The following PCDHA5 variants were observed in gnomAD, a reference collection of about 807,000 sequenced individuals.
PCDHA5 encodes the protein protocadherin alpha-5.
Under a neutral mutation model 61.6 loss-of-function variants are expected in PCDHA5, and 43 were observed. The observed-to-expected ratio is 0.70, with a 90% CI of 0.55 to 0.90. PCDHA5 has a LOEUF of 0.90. Among genes scored for constraint, PCDHA5 ranks in the 40% least tolerant of loss-of-function variants. The probability of loss-of-function intolerance (pLI) is 0.00; values close to 1 mark genes in which losing one functional copy is unlikely to be tolerated. For missense variants in PCDHA5, 1,298 were observed against 1,222.7 expected, an observed-to-expected ratio of 1.06 and a Z score of -0.92; for synonymous variants, 627 against 543.9, an observed-to-expected ratio of 1.15 and a Z score of -2.13.
At chr5:140,953,398 C>G (rs1247752047) in intron 1 of PCDHA5, among the ~76,000 whole-genome samples, 9 of 152,150 alleles carry the variant, frequency 5.9e-5, no homozygotes, top group Non-Finnish European at 7.3e-5. Flanking sequence ...GATTACAGTG[C>G]TGTTGCTCCT....
chr5:140,956,904 G>A lies in PCDHA5; in HGVS notation c.2353-22045G>A, dbSNP rs182022057. ...TATCAATGAATGAATATTCTTAAAT[G>A]TATAAACTTTAATCTTGCTGGATAT... On this transcript the variant is annotated intron_variant, in intron 1 of 3. Transcript: ENST00000529859. Among the ~76,000 whole-genome samples, 178 of 152,232 alleles carry A rather than the reference G, an allele frequency of 1.2e-3. 1 individual carries two copies. Among genetic ancestry groups the A allele is most frequent in the African/African-American group, 3.9e-3 (163 of 41,538 alleles).
In PCDHA5 at chr5:140,822,549, A is replaced by G. The variant is rs1554128705; in HGVS notation, c.774A>G (p.Thr258=). The change falls in exon 1 of 4, where the codon ACA becomes ACG. Residue 258 remains threonine, a synonymous_variant. Transcript: ENST00000529859. The part of the protein sequence containing the change: ...VRLLENAPSG[T]LVIKLNASDA... ...TGTTGGAAAATGCACCAAGTGGGAC[A>G]TTAGTTATTAAACTGAACGCCTCAG... The G allele has an allele frequency of 1.9e-6, 3 of 1,613,866 alleles. No individual in the cohort carries two copies. Among genetic ancestry groups the G allele is most frequent in the Non-Finnish European group, 2.5e-6 (3 of 1,179,926 alleles).
At chr5:140,850,951 T>C in intron 1 of PCDHA5, 1 of 1,500,264 alleles carries the variant, frequency 6.7e-7, no homozygotes. Flanking sequence ...TATTATCGAT[T>C]ACTCCCAGGG....
At chr5:140,898,782 G>A (rs1170822216) in intron 1 of PCDHA5, among the ~76,000 whole-genome samples, 5 of 152,306 alleles carry the variant, frequency 3.3e-5, no homozygotes, top group Middle Eastern at 3.4e-3. Context: ...ACCTTGGGCA[G>A]TATGGCCATT....
At chr5:140,836,779 AT>A (rs2150269832) in intron 1 of PCDHA5, 6 of 1,482,480 alleles carry the variant, frequency 4.0e-6, no homozygotes, top group Non-Finnish European at 5.5e-6. Context: ...TTTTAAAACA[AT>A]TAGTTCAATT....
At chr5:140,876,033 T>A in intron 1 of PCDHA5, 1 of 1,613,668 alleles carries the variant, frequency 6.2e-7, no homozygotes, top group South Asian at 1.1e-5. Context: ...CAAAAAAAGA[T>A]AAAAGTATAT....
chr5:140,836,400 G>A, intron 1 of PCDHA5: 1 of 1,613,760 alleles, frequency 6.2e-7, no homozygotes, highest in South Asian at 1.1e-5. Flanking sequence ...GGTGGAAAGC[G>A]GCCAGGCACC....
rs994477615 is a variant in PCDHA5 at position 140,861,542 on chromosome 5, C to T, written c.2352+37415C>T. On this transcript the variant is annotated intron_variant, in intron 1 of 3. Coordinates refer to ENST00000529859, the MANE Select transcript of PCDHA5 (RefSeq NM_018908.3). ...GGAGGATCTCGGAGTGCAGCATCCA[C>T]CTGGAAGTGATCGTGGACAAGCTGC... is the stretch of plus-strand genomic sequence containing the variant. The T allele has an allele frequency of 4.0e-5, 17 of 424,962 alleles. No homozygotes were observed. In the East Asian group the frequency reaches 1.2e-3, roughly 30 times the overall value. The allele number at this position is 424,962 out of a possible 1,614,324, so 26.3% of individuals were successfully genotyped here.
chr5:140,884,383 C>T lies in PCDHA5; in HGVS notation c.2352+60256C>T, dbSNP rs185410866. The T allele has an allele frequency of 5.2e-5, 84 of 1,613,994 alleles. No homozygotes were observed. In the Admixed American group the frequency reaches 1.4e-3, roughly 27 times the overall value. ...ATGTTTACTTGATCATTGCCATCTG[C>T]GCGGTGTCCAGCCTGTTGGTGCTCA... On this transcript the variant is annotated intron_variant, in intron 1 of 3. Transcript: ENST00000529859.
At chr5:140,953,948 C>A (rs1012464637) in intron 1 of PCDHA5, among the ~76,000 whole-genome samples, 2 of 152,092 alleles carry the variant, frequency 1.3e-5, no homozygotes, top group Non-Finnish European at 2.9e-5. Context: ...CATTGCTCCC[C>A]CAACAGGCCC....
At chr5:140,880,958 G>T (rs1208694420) in intron 1 of PCDHA5, among the ~76,000 whole-genome samples, 1 of 152,010 alleles carries the variant, frequency 6.6e-6, no homozygotes, top group African/African-American at 2.4e-5. Flanking sequence ...GGATGATGAG[G>T]GTAAGAGAAT....
chr5:140,868,942 C>G (rs1238492263), intron 1 of PCDHA5: 1 of 1,256,058 alleles, frequency 8.0e-7, no homozygotes, highest in Admixed American at 2.8e-5. Context: ...TTGGTCTGAA[C>G]AGTGAGGCAC....
intron 3 of PCDHA5, among the ~76,000 whole-genome samples, chr5:140,991,401 T>C (rs1271447254): frequency 6.6e-6 from 1 of 152,218 alleles, no homozygotes; most frequent in Non-Finnish European, 1.5e-5. Context: ...TGTATTTATT[T>C]CCCATTATGC....
rs782444703 is a variant in PCDHA5 at position 140,856,052 on chromosome 5, G to T, written c.2352+31925G>T. 12 of 1,585,178 alleles carry T rather than the reference G, an allele frequency of 7.6e-6. No individual in the cohort carries two copies. In the East Asian group the frequency reaches 2.5e-4, roughly 32 times the overall value. On this transcript the variant is annotated intron_variant, in intron 1 of 3. Transcript: ENST00000529859. The stretch of plus-strand genomic sequence containing the variant: ...TGTAAAACAAGAGAAGGATAAGATG[G>T]TTTCCAGATGTAGCTGCCTGGGGGT...
chr5:140,839,514 C>T (rs2150298432), intron 1 of PCDHA5, among the ~76,000 whole-genome samples: 3 of 152,082 alleles, frequency 2.0e-5, no homozygotes, highest in African/African-American at 7.2e-5. Context: ...CTCAGCCTCT[C>T]AAGTTGCTGG....
At chr5:140,850,475 G>T (rs2150485791) in intron 1 of PCDHA5, 2 of 1,597,894 alleles carry the variant, frequency 1.3e-6, no homozygotes, top group African/African-American at 2.7e-5. Flanking sequence ...CAGCGCTGAC[G>T]GCCACGGCCA....
chr5:140,877,811 G>T (rs1256619106), intron 1 of PCDHA5: 1 of 1,610,242 alleles, frequency 6.2e-7, no homozygotes, highest in Non-Finnish European at 8.5e-7. Flanking sequence ...CAGCTGTCTC[G>T]AGAAGATTGT....
chr5:140,842,746 C>G (rs2150343486), intron 1 of PCDHA5: 2 of 1,595,086 alleles, frequency 1.3e-6, no homozygotes, highest in Non-Finnish European at 1.7e-6. Context: ...GCCACATCTT[C>G]ACGGTGTCTG....
intron 1 of PCDHA5, chr5:140,884,831 ATCCT>A: frequency 1.1e-6 from 1 of 939,722 alleles, no homozygotes; most frequent in Non-Finnish European, 1.5e-6. Flanking sequence ...GTGTTGGATT[ATCCT>A]TCAGAGTGAA....
Sources: allele counts gnomAD v4.1 joint callset (sites outside exome capture counted in the v4.1 genomes callset), GRCh38; gene constraint gnomAD v4.1.1; transcripts MANE v1.5; gene names NCBI Gene and HGNC (gene_info 2026-07-23, HGNC 2026-07-21).